CIT: variants seen among roughly 807,000 people sequenced by gnomAD.
CIT encodes citron rho-interacting serine/threonine kinase.
In CIT, 79 loss-of-function variants were observed where a neutral mutation model predicts 272.7. That is an observed-to-expected ratio of 0.29 (90% CI 0.24 to 0.35). The LOEUF is 0.35. CIT is among the 10% of genes least tolerant of loss of function. The pLI, the probability that CIT is intolerant of heterozygous loss-of-function variation, is 1.00. For missense variants in CIT, 1,909 were observed against 2,618.3 expected (o/e 0.73, Z 5.91); for synonymous variants, 948 against 995.6 (o/e 0.95, Z 0.90).
At chr12:119,842,995 C>A (rs1332856226) in intron 5 of CIT, among the ~76,000 whole-genome samples, 1 of 152,092 alleles carries the variant, frequency 6.6e-6, no homozygotes, top group Non-Finnish European at 1.5e-5. Flanking sequence ...AGGAGAAGTA[C>A]AGGGTGCAAT....
intron 19 of CIT, among the ~76,000 whole-genome samples, chr12:119,765,294 T>A (rs971673448): frequency 6.7e-6 from 1 of 149,842 alleles, no homozygotes; most frequent in East Asian, 1.9e-4. Context: ...TCCCAGCTAC[T>A]TGGGTGGCTG....
chr12:119,780,482 C>T (rs575479165), intron 13 of CIT, among the ~76,000 whole-genome samples: 8 of 151,852 alleles, frequency 5.3e-5, no homozygotes, highest in East Asian at 1.9e-4. Flanking sequence ...CTGGGTGTGG[C>T]GGCGTGCACC....
chr12:119,838,368 C>T (rs1018761926), intron 5 of CIT, among the ~76,000 whole-genome samples: 6 of 152,070 alleles, frequency 3.9e-5, no homozygotes, highest in African/African-American at 1.2e-4. Context: ...CCACTGCGCC[C>T]GGCAAGAATT....
chr12:119,836,273 G>C (rs139655432), intron 5 of CIT, among the ~76,000 whole-genome samples: 1,968 of 114,608 alleles, frequency 0.017, 27 homozygotes, highest in Middle Eastern at 0.047. Flanking sequence ...GCAACAGAGC[G>C]AGACTCCATC....
At chr12:119,817,535 T>C (rs746784722) in intron 9 of CIT, among the ~76,000 whole-genome samples, 3 of 151,808 alleles carry the variant, frequency 2.0e-5, no homozygotes, top group Admixed American at 6.6e-5. Context: ...GCACATGTGG[T>C]TCAGTAAACT....
chr12:119,769,777 C>T (rs537697126), intron 18 of CIT, among the ~76,000 whole-genome samples: 98 of 152,184 alleles, frequency 6.4e-4, no homozygotes, highest in African/African-American at 2.3e-3. Flanking sequence ...CCTGTTGATT[C>T]GAGAACATCC....
chr12:119,858,680 G>A (rs1165350595), intron 3 of CIT, among the ~76,000 whole-genome samples: 1 of 152,090 alleles, frequency 6.6e-6, no homozygotes, highest in Non-Finnish European at 1.5e-5. Flanking sequence ...AAATTAGCTG[G>A]GCATGGTGGT....
chr12:119,692,869 C>A (rs1300065481), intron 46 of CIT, among the ~76,000 whole-genome samples: 3 of 152,220 alleles, frequency 2.0e-5, no homozygotes, highest in African/African-American at 7.2e-5. Context: ...GAACCCCTGT[C>A]TCTGCAGCAG....
intron 26 of CIT, among the ~76,000 whole-genome samples, chr12:119,731,724 A>G (rs1441189489): frequency 2.0e-5 from 3 of 151,392 alleles, no homozygotes; most frequent in African/African-American, 7.3e-5. Flanking sequence ...TTCAAATGCT[A>G]TGATCTCCAT....
chr12:119,738,583 T>C (rs986237754), intron 24 of CIT, among the ~76,000 whole-genome samples: 1 of 141,570 alleles, frequency 7.1e-6, no homozygotes, highest in African/African-American at 2.6e-5. Flanking sequence ...AGACAGAAGA[T>C]ATTAAAAAAA....
intron 9 of CIT, among the ~76,000 whole-genome samples, chr12:119,819,580 G>A (rs1967510281): frequency 6.6e-6 from 1 of 152,220 alleles, no homozygotes; most frequent in South Asian, 2.1e-4. Context: ...ACAAGAAAAA[G>A]AAGAATTGGG....
intron 12 of CIT, 38 bp downstream of exon 12, chr12:119,783,870 G>T (rs1388508404): frequency 6.5e-7 from 1 of 1,539,484 alleles, no homozygotes; most frequent in Non-Finnish European, 8.7e-7. Flanking sequence ...AACAGGAAGT[G>T]CCACCTCCAA....
intron 23 of CIT, among the ~76,000 whole-genome samples, chr12:119,748,563 T>C (rs1174808147): frequency 1.3e-5 from 2 of 152,326 alleles, no homozygotes; most frequent in East Asian, 3.9e-4. Flanking sequence ...CGATTTCACA[T>C]CTTGGCTATC....
chr12:119,724,474 G>C (rs1957977229), intron 28 of CIT, among the ~76,000 whole-genome samples: 1 of 152,160 alleles, frequency 6.6e-6, no homozygotes. Context: ...CTGAAAAATG[G>C]GTTGGGATGT....
intron 5 of CIT, among the ~76,000 whole-genome samples, chr12:119,839,191 C>T (rs1177086816): frequency 3.3e-5 from 5 of 152,222 alleles, no homozygotes; most frequent in African/African-American, 9.6e-5. Flanking sequence ...CAATTTCCAT[C>T]CATTGTGTTG....
intron 46 of CIT, among the ~76,000 whole-genome samples, chr12:119,693,476 G>A (rs939076991): frequency 1.3e-5 from 2 of 152,198 alleles, no homozygotes; most frequent in East Asian, 3.8e-4. Flanking sequence ...TGATCGCACA[G>A]TAAGCAACTC....
chr12:119,809,956 G>T (rs1240177263), intron 9 of CIT, among the ~76,000 whole-genome samples: 1 of 152,216 alleles, frequency 6.6e-6, no homozygotes, highest in Non-Finnish European at 1.5e-5. Flanking sequence ...CAGGGAGGGC[G>T]TGGAAGCTCG....
At position 119,713,346 on chromosome 12, in the gene CIT, C is replaced by T. The variant is rs534311845; in HGVS notation, c.4488-52G>A. 7 of 1,593,344 alleles carry T rather than the reference C, an allele frequency of 4.4e-6. No individual in the cohort carries two copies. The highest frequency in any genetic ancestry group is 1.7e-5 in the Admixed American group (1 of 59,516). On this transcript the variant is annotated intron_variant, in intron 34 of 47. Transcript: ENST00000392521. The surrounding 1 kb of genome is among the most constrained non-coding windows in gnomAD (Gnocchi z 5.2). Reference sequence around the variant, plus strand: ...AATGTCTGAACTCAGAAGAAACATCCGGCTGGAGGATAGGATGAGGGGGTG... The same window carrying T: ...AATGTCTGAACTCAGAAGAAACATCTGGCTGGAGGATAGGATGAGGGGGTG...
chr12:119,769,141 A>G (rs1319713256), intron 18 of CIT, among the ~76,000 whole-genome samples: 1 of 150,908 alleles, frequency 6.6e-6, no homozygotes, highest in East Asian at 1.9e-4. Flanking sequence ...AGAATCTAAG[A>G]TTAGATCAAA....
Sources: gnomAD v4.1 joint callset for allele counts (sites outside exome capture counted in the v4.1 genomes callset) on GRCh38, gnomAD v4.1.1 for gene constraint, Gnocchi (gnomAD v3.1) non-coding constraint, MANE v1.5 for transcripts, NCBI Gene and HGNC (gene_info 2026-07-23, HGNC 2026-07-21) for gene names.